The following EXOC2 variants were observed in gnomAD, a reference collection of about 807,000 sequenced individuals.
EXOC2 encodes the protein SEC5-like 1.
In EXOC2, 70 loss-of-function variants were observed where a neutral mutation model predicts 131.8. That is an observed-to-expected ratio of 0.53 (90% CI 0.44 to 0.65). The LOEUF (loss-of-function observed/expected upper bound fraction) is 0.65, where lower values mean the gene tolerates loss of function less well. Among genes scored for constraint, EXOC2 ranks in the 30% least tolerant of loss-of-function variants. The pLI, the probability that EXOC2 is intolerant of heterozygous loss-of-function variation, is 0.00. For missense variants in EXOC2, 923 were observed against 1,108.6 expected, an observed-to-expected ratio of 0.83 and a Z score of 2.38; for synonymous variants, 411 against 398.4, an observed-to-expected ratio of 1.03 and a Z score of -0.38.
intron 27 of EXOC2, 91 bp downstream of exon 27, chr6:488,888 A>G: frequency 7.4e-7 from 1 of 1,352,636 alleles, no homozygotes; most frequent in Non-Finnish European, 1.0e-6. Flanking sequence ...TCTTCCTAGA[A>G]TCCAAATCAT....
chr6:592,363 G>T, intron 11 of EXOC2, 106 bp downstream of exon 11: 1 of 951,274 alleles, frequency 1.1e-6, no homozygotes, highest in Non-Finnish European at 1.6e-6. Flanking sequence ...AATAATAAGA[G>T]ATACCAAGTA....
chr6:656,300 C>T (rs146558183), intron 1 of EXOC2: 232 of 1,614,088 alleles, frequency 1.4e-4, no homozygotes, highest in Non-Finnish European at 1.9e-4. Flanking sequence ...CAGGCACACC[C>T]ACAGCCGACT....
intron 17 of EXOC2, among the ~76,000 whole-genome samples, chr6:560,710 CTT>C (rs1250904675): frequency 2.8e-5 from 4 of 144,076 alleles, no homozygotes; most frequent in African/African-American, 2.5e-5. Context: ...AATTTTCTTT[CTT>C]TTTTTTTTTT....
chr6:517,387 T>G (rs937824798), intron 23 of EXOC2, among the ~76,000 whole-genome samples: 11 of 152,060 alleles, frequency 7.2e-5, no homozygotes, highest in Non-Finnish European at 1.5e-4. Context: ...CAAATTATGT[T>G]TACATCATGA....
At position 572,784 on chromosome 6, in the gene EXOC2, G is replaced by A. The variant is rs938323949; in HGVS notation, c.1319-140C>T. ...AGCCTGAGTCTGCGTGGACGCTCGCGGCCCACCTGGCTGACACCGGCAGCG... is the reference window on the plus strand; with the variant it reads ...AGCCTGAGTCTGCGTGGACGCTCGCAGCCCACCTGGCTGACACCGGCAGCG... On this transcript the variant is annotated intron_variant, in intron 12 of 27. Transcript: ENST00000230449. 48 of 1,053,104 alleles carry A rather than the reference G, an allele frequency of 4.6e-5. No individual in the cohort carries two copies. In the Admixed American group the frequency reaches 6.7e-4, roughly 15 times the overall value. The allele number at this position is 1,053,104 out of a possible 1,614,324, so 65.2% of individuals were successfully genotyped here.
At chr6:569,223 T>A (rs1332453426) in intron 13 of EXOC2, among the ~76,000 whole-genome samples, 1 of 151,976 alleles carries the variant, frequency 6.6e-6, no homozygotes, top group Non-Finnish European at 1.5e-5. Flanking sequence ...ATATTTAAGA[T>A]ATATCTAAAG....
At chr6:654,827 A>AAAAAAAC (rs1762994819) in intron 1 of EXOC2, among the ~76,000 whole-genome samples, 1 of 143,478 alleles carries the variant, frequency 7.0e-6, no homozygotes, top group Non-Finnish European at 1.5e-5. Flanking sequence ...AAAAAAAAAA[A>AAAAAAAC]AAAAAAAAAA....
At chr6:580,289 G>A (rs112425540) in intron 11 of EXOC2, among the ~76,000 whole-genome samples, 1,537 of 152,198 alleles carry the variant, frequency 0.01, 26 homozygotes, top group African/African-American at 0.035. Flanking sequence ...ATCTGCCTGC[G>A]TCAGCCTCCC....
chr6:566,230 T>A (rs1483276985), intron 13 of EXOC2, among the ~76,000 whole-genome samples: 1 of 152,198 alleles, frequency 6.6e-6, no homozygotes, highest in Non-Finnish European at 1.5e-5. Flanking sequence ...ATAGGTTGAT[T>A]TTTCCTTTAT....
At chr6:544,658 TC>T (rs1333748862) in intron 22 of EXOC2, among the ~76,000 whole-genome samples, 6 of 152,178 alleles carry the variant, frequency 3.9e-5, no homozygotes, top group South Asian at 2.1e-4. Context: ...TCAAATGGTT[TC>T]CAACTTGAAA....
At chr6:569,544 A>G (rs1758155912) in intron 13 of EXOC2, among the ~76,000 whole-genome samples, 1 of 152,250 alleles carries the variant, frequency 6.6e-6, no homozygotes, top group African/African-American at 2.4e-5. Flanking sequence ...TTAAATAGCT[A>G]TCAAAAGCCC....
At chr6:604,417 A>C (rs1299528304) in intron 7 of EXOC2, among the ~76,000 whole-genome samples, 5 of 152,130 alleles carry the variant, frequency 3.3e-5, no homozygotes, top group African/African-American at 1.2e-4. Context: ...ACCTGGCTTA[A>C]CATGCCTACC....
In EXOC2 at chr6:486,828, C is replaced by T. The variant is rs183609181; in HGVS notation, c.2682-64G>A. ...GGGGCGGCCTAGCAACGCAAGAAAA[C>T]ACCAGGGGAGCCAGTGCCCGGCTCT... is the stretch of plus-strand genomic sequence containing the variant. On this transcript the variant is annotated intron_variant, in intron 27 of 27. Transcript: ENST00000230449. 1.8e-4 allele frequency: 234 copies of T among 1,330,318 alleles called. No homozygotes were observed. The African/African-American group carries it at 3.0e-3, about 17-fold the overall frequency. 82.4% of individuals were successfully genotyped at this position (1,330,318 alleles called of 1,614,324 possible). A position where few individuals can be genotyped will look rare whatever the true frequency, so the allele number is the denominator to read the frequency against.
chr6:660,002 G>GA (rs952472110), intron 1 of EXOC2, among the ~76,000 whole-genome samples: 1 of 151,194 alleles, frequency 6.6e-6, no homozygotes, highest in Non-Finnish European at 1.5e-5. Flanking sequence ...TGTTGGGGGG[G>GA]GGACACGGGG....
At chr6:488,957 A>G in intron 27 of EXOC2, 22 bp downstream of exon 27, 1 of 1,611,178 alleles carries the variant, frequency 6.2e-7, no homozygotes, top group Non-Finnish European at 8.5e-7. Flanking sequence ...ACTGGCTCCT[A>G]AGAACAGCAC....
chr6:616,621 A>C (rs1410815116), intron 6 of EXOC2, among the ~76,000 whole-genome samples: 1 of 151,300 alleles, frequency 6.6e-6, no homozygotes, highest in Non-Finnish European at 1.5e-5. Flanking sequence ...AAAAAAAAAA[A>C]AACTAACTTC....
At position 564,605 on chromosome 6, in the gene EXOC2, C is replaced by G; in HGVS notation, c.1607G>C (p.Gly536Ala). 1 of 1,614,116 alleles carries G rather than the reference C, an allele frequency of 6.2e-7. No individual in the cohort carries two copies. The highest frequency in any genetic ancestry group is 8.5e-7 in the Non-Finnish European group (1 of 1,180,006). ...IRDGEAKQYG[G>A]WEVKCELSGQ... is the part of the protein sequence containing the mutation. ...GGAGAGCTCGCACTTCACCTCCCAG[C>G]CTCCGTACTGCTTGGCTTCCCCATC... Residue 536 changes from glycine (G) to alanine (A), a missense_variant, in exon 15 of 28, where the codon GGC becomes GCC. Transcript: ENST00000230449.
chr6:663,223 T>G (rs1763497403), intron 1 of EXOC2, among the ~76,000 whole-genome samples: 1 of 152,092 alleles, frequency 6.6e-6, no homozygotes, highest in African/African-American at 2.4e-5. Flanking sequence ...TGGATAAATA[T>G]AACCCTCCTA....
intron 10 of EXOC2, among the ~76,000 whole-genome samples, chr6:595,589 T>C (rs1267358444): frequency 6.6e-6 from 1 of 152,054 alleles, no homozygotes; most frequent in African/African-American, 2.4e-5. Flanking sequence ...CGATATCCAG[T>C]AAGTTATATA....
Sources: gnomAD v4.1 joint callset for allele counts (sites outside exome capture counted in the v4.1 genomes callset) on GRCh38, gnomAD v4.1.1 for gene constraint, MANE v1.5 for transcripts, NCBI Gene and HGNC (gene_info 2026-07-23, HGNC 2026-07-21) for gene names.